The following BTBD7 variants were observed in gnomAD, a reference collection of about 807,000 sequenced individuals.
BTBD7 encodes the protein BTB domain containing 7.
In BTBD7, 38 loss-of-function variants were observed where a neutral mutation model predicts 99.9. The observed-to-expected ratio is 0.38, with a 90% confidence interval of 0.29 to 0.50. The LOEUF is 0.50. BTBD7 is among the 20% of genes least tolerant of loss of function. The pLI, the probability that BTBD7 is intolerant of heterozygous loss-of-function variation, is 0.93. For synonymous variants in BTBD7, 520 were observed against 511.4 expected (o/e 1.02, Z -0.23); for missense variants, 1,170 against 1,394.6 (o/e 0.84, Z 2.57).
In BTBD7 at chr14:93,238,624, T is replaced by A. The variant is rs1176335102; in HGVS notation, c.*3649A>T. The A allele has an allele frequency of 6.6e-6, 1 of 152,250 alleles. No individual in the cohort carries two copies. Among genetic ancestry groups the A allele is most frequent in the Admixed American group, 6.5e-5 (1 of 15,278 alleles). 9.4% of individuals were successfully genotyped at this position (152,250 alleles called of 1,614,324 possible). A position where few individuals can be genotyped will look rare whatever the true frequency, so the allele number is the denominator to read the frequency against. ...ATAATTAATTTCAAAATAAGTATCT[T>A]ACAAGTGTTTCATGAAACATTGTTT... is the stretch of plus-strand genomic sequence containing the variant. On this transcript the variant is annotated 3_prime_UTR_variant, in exon 11 of 11. Coordinates refer to ENST00000334746, the MANE Select transcript of BTBD7 (RefSeq NM_001002860.4).
intron 3 of BTBD7, among the ~76,000 whole-genome samples, chr14:93,275,719 T>C (rs1256950011): frequency 6.6e-6 from 1 of 152,200 alleles, no homozygotes; most frequent in Non-Finnish European, 1.5e-5. Context: ...GTCACTGTAT[T>C]GAATACTGTA....
At chr14:93,301,705 C>A (rs1012800384) in intron 1 of BTBD7, among the ~76,000 whole-genome samples, 1 of 151,900 alleles carries the variant, frequency 6.6e-6, no homozygotes, top group Non-Finnish European at 1.5e-5. Context: ...AAACAAAAAA[C>A]CTAAAGAAAA....
intron 8 of BTBD7, among the ~76,000 whole-genome samples, chr14:93,250,424 T>C (rs1412280396): frequency 2.6e-5 from 4 of 152,226 alleles, no homozygotes; most frequent in African/African-American, 9.6e-5. Context: ...TGTTAACTAA[T>C]GTATATTTCA....
intron 1 of BTBD7, among the ~76,000 whole-genome samples, chr14:93,322,207 G>A (rs1347942919): frequency 6.6e-6 from 1 of 152,050 alleles, no homozygotes; most frequent in Non-Finnish European, 1.5e-5. Flanking sequence ...CAAATTTCTG[G>A]GCTCAAGCGA....
chr14:93,242,156 A>G lies in BTBD7; in HGVS notation c.*117T>C. ...CACATATATACACAAAAACTAGAAC[A>G]AAATCATGTGAAACCGAGTTATCAG... On this transcript the variant is annotated 3_prime_UTR_variant, in exon 11 of 11. Coordinates refer to ENST00000334746, the MANE Select transcript of BTBD7 (RefSeq NM_001002860.4). 1.1e-6 allele frequency: 1 copy of G among 935,514 alleles called. No homozygotes were observed. 58.0% of individuals were successfully genotyped at this position (935,514 alleles called of 1,614,324 possible). A position where few individuals can be genotyped will look rare whatever the true frequency, so the allele number is the denominator to read the frequency against.
At chr14:93,321,713 C>G (rs2053272256) in intron 1 of BTBD7, among the ~76,000 whole-genome samples, 1 of 152,064 alleles carries the variant, frequency 6.6e-6, no homozygotes, top group Admixed American at 6.5e-5. Flanking sequence ...CAAAACTGCC[C>G]AAGTTTGGAT....
At position 93,332,850 on chromosome 14, in the gene BTBD7, C is replaced by T; in HGVS notation, c.-137G>A. 6.8e-7 allele frequency: 1 copy of T among 1,477,636 alleles called. No homozygotes were observed. The highest frequency in any genetic ancestry group is 8.9e-7 in the Non-Finnish European group (1 of 1,120,392). The allele number at this position is 1,477,636 out of a possible 1,614,324, so 91.5% of individuals were successfully genotyped here. On this transcript the variant is annotated 5_prime_UTR_variant, in exon 1 of 11. Coordinates refer to ENST00000334746, the MANE Select transcript of BTBD7 (RefSeq NM_001002860.4). Reference sequence around the variant, plus strand: ...AGGCTCCTCCCGCCGCTGCTGCTGCCGCTGGGACCGCTGCCGTCGCCTCCG... The same window carrying T: ...AGGCTCCTCCCGCCGCTGCTGCTGCTGCTGGGACCGCTGCCGTCGCCTCCG...
At chr14:93,269,189 T>C (rs2052574770) in intron 3 of BTBD7, among the ~76,000 whole-genome samples, 1 of 152,146 alleles carries the variant, frequency 6.6e-6, no homozygotes, top group Non-Finnish European at 1.5e-5. Flanking sequence ...GGAAGACAGA[T>C]AAAAAACTGG....
chr14:93,313,593 G>C (rs779374164), intron 1 of BTBD7, among the ~76,000 whole-genome samples: 1 of 151,980 alleles, frequency 6.6e-6, no homozygotes, highest in Non-Finnish European at 1.5e-5. Context: ...TGGAAATACA[G>C]AGAAATGAGT....
At chr14:93,282,421 C>T (rs895665954) in intron 3 of BTBD7, among the ~76,000 whole-genome samples, 14 of 151,760 alleles carry the variant, frequency 9.2e-5, no homozygotes, top group South Asian at 4.2e-4. Flanking sequence ...CAACTTCTGC[C>T]TCCTGGGTTC....
At chr14:93,247,403 A>C (rs912951381) in intron 9 of BTBD7, among the ~76,000 whole-genome samples, 3 of 152,018 alleles carry the variant, frequency 2.0e-5, no homozygotes, top group Non-Finnish European at 4.4e-5. Flanking sequence ...GCTGGAGTGC[A>C]GTGGTGCAAT....
chr14:93,254,057 C>T (rs1011380253), intron 6 of BTBD7, among the ~76,000 whole-genome samples: 1 of 151,838 alleles, frequency 6.6e-6, no homozygotes, highest in Non-Finnish European at 1.5e-5. Flanking sequence ...CCTGCCTCAG[C>T]CTCCCGAGTA....
At chr14:93,292,377 ATAG>A (rs779768697) in intron 3 of BTBD7, among the ~76,000 whole-genome samples, 1 of 152,170 alleles carries the variant, frequency 6.6e-6, no homozygotes, top group Non-Finnish European at 1.5e-5. Flanking sequence ...ACAGAAAAAA[ATAG>A]TAGCTTAAAC....
intron 3 of BTBD7, among the ~76,000 whole-genome samples, chr14:93,289,197 A>C (rs1425361986): frequency 6.6e-6 from 1 of 152,234 alleles, no homozygotes; most frequent in African/African-American, 2.4e-5. Context: ...ATGCATACAT[A>C]GCAGCTTTAA....
Position 93,248,652 on chromosome 14 carries a change from GA to G in BTBD7, c.1944del (p.Pro649LeufsTer6). On this transcript the variant is annotated frameshift_variant and splice_region_variant, in exon 9 of 11. Transcript: ENST00000334746. LOFTEE classifies it high-confidence loss of function. Reference sequence around the variant, plus strand: ...ATGTCTTTCATAATGAGGAGACGAGGAACTGGAAGGAGAACAACAGTGGGCA... The same window carrying G: ...ATGTCTTTCATAATGAGGAGACGAGGACTGGAAGGAGAACAACAGTGGGCA... The part of the protein sequence containing the change: ...PPSVVANEIP[V>X]PRLLIMKDMV... 1 of 1,602,030 alleles carries G rather than the reference GA, an allele frequency of 6.2e-7. No homozygotes were observed. The highest frequency in any genetic ancestry group is 8.5e-7 in the Non-Finnish European group (1 of 1,175,620).
Position 93,294,873 on chromosome 14 carries a change from G to C in BTBD7, c.147C>G (p.Gly49=). ...TTTTTTTGTCTTGTGGTTTCTCATG[G>C]CCATGGTCAAGGCTATACAACTTTG... ...CESKLYSLDH[G]HEKPQDKKKR... is the part of the protein sequence containing the mutation. The change falls in exon 3 of 11, where the codon GGC becomes GGG. Residue 49 remains glycine (G), a synonymous_variant. Transcript: ENST00000334746. 6.2e-7 allele frequency: 1 copy of C among 1,613,628 alleles called. No homozygotes were observed. Among genetic ancestry groups the C allele is most frequent in the Middle Eastern group, 1.7e-4 (1 of 6,060 alleles).
At chr14:93,300,828 C>T (rs2052995961) in intron 1 of BTBD7, among the ~76,000 whole-genome samples, 2 of 147,276 alleles carry the variant, frequency 1.4e-5, no homozygotes, top group South Asian at 4.4e-4. Context: ...GTTGCCCAAA[C>T]TGGTCTCAAA....
intron 1 of BTBD7, among the ~76,000 whole-genome samples, chr14:93,323,253 T>A (rs575789290): frequency 5.2e-4 from 79 of 151,898 alleles, no homozygotes; most frequent in Middle Eastern, 3.4e-3. Flanking sequence ...AAAAAAAAAA[T>A]TTTTTTAACC....
In BTBD7 at chr14:93,257,342, C is replaced by T; in HGVS notation, c.1461G>A (p.Leu487=). ...KRIADREPNL[L]SGTAHSVNKR... is the part of the protein sequence containing the mutation. ...TGTTCACACTATGGGCAGTGCCACT[C>T]AGTAAGTTTGGCTCTATGAGACAGA... Residue 487 remains leucine, a synonymous_variant, in exon 6 of 11, where the codon CTG becomes CTA. Transcript: ENST00000334746. The T allele has an allele frequency of 6.2e-7, 1 of 1,604,956 alleles. No individual in the cohort carries two copies. Among genetic ancestry groups the T allele is most frequent in the East Asian group, 2.2e-5 (1 of 44,802 alleles).
Sources: gnomAD v4.1 joint callset for allele counts (sites outside exome capture counted in the v4.1 genomes callset) on GRCh38, gnomAD v4.1.1 for gene constraint, MANE v1.5 for transcripts, NCBI Gene and HGNC (gene_info 2026-07-23, HGNC 2026-07-21) for gene names.